LRMDA: variants seen among roughly 807,000 people sequenced by gnomAD.
The protein encoded by LRMDA is leucine-rich melanocyte differentiation-associated protein.
A neutral mutation model predicts 29.8 loss-of-function variants in LRMDA; 18 were observed. The ratio of observed to expected loss-of-function variants is 0.60; its 90% CI spans 0.42 to 0.90. The LOEUF (loss-of-function observed/expected upper bound fraction) is 0.90. Ranked by LOEUF, LRMDA falls within the 40% of genes least tolerant of loss-of-function variation. The probability of loss-of-function intolerance (pLI) is 0.00; values close to 1 mark genes in which losing one functional copy is unlikely to be tolerated. For synonymous variants in LRMDA, 125 were observed against 109.4 expected (o/e 1.14, Z -0.89); for missense variants, 273 against 273.9 (o/e 1.00, Z 0.02).
At chr10:75,834,900 A>G (rs1844407155) in intron 2 of LRMDA, among the ~76,000 whole-genome samples, 1 of 152,150 alleles carries the variant, frequency 6.6e-6, no homozygotes, top group Non-Finnish European at 1.5e-5. Flanking sequence ...CATTCATGCC[A>G]ATGTTTCTAC....
At chr10:75,692,241 T>C (rs1175306781) in intron 2 of LRMDA, among the ~76,000 whole-genome samples, 1 of 135,162 alleles carries the variant, frequency 7.4e-6, no homozygotes, top group Non-Finnish European at 1.5e-5. Flanking sequence ...TATATATATA[T>C]ATATATACAT....
chr10:76,182,582 A>G (rs886138131), intron 5 of LRMDA, among the ~76,000 whole-genome samples: 11 of 152,178 alleles, frequency 7.2e-5, no homozygotes, highest in African/African-American at 2.7e-4. Flanking sequence ...ACCTTGTCCC[A>G]TGGAAAATCC....
intron 5 of LRMDA, among the ~76,000 whole-genome samples, chr10:76,310,507 A>G (rs1317151793): frequency 6.6e-6 from 1 of 152,114 alleles, no homozygotes; most frequent in Non-Finnish European, 1.5e-5. Context: ...CATGCGGTTC[A>G]TGCTTCCTTT....
At chr10:76,212,680 T>C (rs951204989) in intron 5 of LRMDA, among the ~76,000 whole-genome samples, 5 of 152,256 alleles carry the variant, frequency 3.3e-5, no homozygotes, top group East Asian at 1.9e-4. Flanking sequence ...TTGTCATTTG[T>C]TGGTTTCAGA....
intron 2 of LRMDA, among the ~76,000 whole-genome samples, chr10:75,745,990 G>A (rs777017563): frequency 5.7e-4 from 87 of 152,268 alleles, no homozygotes; most frequent in Admixed American, 9.2e-4. Context: ...TACCAGCCTG[G>A]CTTCTCACTA....
At chr10:75,908,051 C>T (rs909968350) in intron 2 of LRMDA, among the ~76,000 whole-genome samples, 4 of 152,178 alleles carry the variant, frequency 2.6e-5, no homozygotes, top group African/African-American at 9.7e-5. Flanking sequence ...AGCTGTGTAA[C>T]AGTCCTGTGC....
chr10:75,641,778 A>G (rs551082084), intron 2 of LRMDA, among the ~76,000 whole-genome samples: 28 of 152,262 alleles, frequency 1.8e-4, no homozygotes, highest in African/African-American at 6.3e-4. Flanking sequence ...ATTTAAATAA[A>G]TCTACCAGAA....
intron 2 of LRMDA, among the ~76,000 whole-genome samples, chr10:75,611,225 G>A (rs1184472879): frequency 3.3e-5 from 5 of 152,174 alleles, no homozygotes; most frequent in African/African-American, 7.2e-5. Context: ...GTGGAGGCAA[G>A]TGCAGCCCTG....
At chr10:75,958,034 A>T (rs753427737) in intron 2 of LRMDA, among the ~76,000 whole-genome samples, 1 of 152,184 alleles carries the variant, frequency 6.6e-6, no homozygotes, top group Non-Finnish European at 1.5e-5. Flanking sequence ...AGGAGATGGT[A>T]TCCAAGTTAC....
intron 2 of LRMDA, among the ~76,000 whole-genome samples, chr10:75,576,432 T>TG (rs1043830711): frequency 6.6e-6 from 1 of 152,130 alleles, no homozygotes; most frequent in South Asian, 2.1e-4. Flanking sequence ...AAGGGGCAGT[T>TG]GGGGGGTGCA....
At chr10:75,588,719 C>G (rs1186701936) in intron 2 of LRMDA, among the ~76,000 whole-genome samples, 3 of 152,110 alleles carry the variant, frequency 2.0e-5, no homozygotes, top group Admixed American at 6.6e-5. Flanking sequence ...CCATTCTGTT[C>G]CCTATCTTCC....
chr10:75,592,421 T>C (rs1379543850), intron 2 of LRMDA, among the ~76,000 whole-genome samples: 1 of 152,230 alleles, frequency 6.6e-6, no homozygotes, highest in Non-Finnish European at 1.5e-5. Flanking sequence ...GTCTTCACAG[T>C]CTCATTTCCT....
intron 5 of LRMDA, among the ~76,000 whole-genome samples, chr10:76,217,822 C>A (rs1442092848): frequency 6.6e-6 from 1 of 152,156 alleles, no homozygotes; most frequent in African/African-American, 2.4e-5. Flanking sequence ...GCATTACCCT[C>A]TTCTCTTACT....
At chr10:75,731,587 G>T (rs1351350898) in intron 2 of LRMDA, among the ~76,000 whole-genome samples, 1 of 152,314 alleles carries the variant, frequency 6.6e-6, no homozygotes, top group African/African-American at 2.4e-5. Flanking sequence ...AAACCTTGAA[G>T]TCATGCCCCA....
intron 5 of LRMDA, among the ~76,000 whole-genome samples, chr10:76,097,783 T>C (rs1038189826): frequency 6.6e-6 from 1 of 152,172 alleles, no homozygotes; most frequent in Admixed American, 6.5e-5. Context: ...GGTAATGACA[T>C]ATTTTTAATA....
intron 5 of LRMDA, among the ~76,000 whole-genome samples, chr10:76,236,019 T>G (rs1022181778): frequency 6.6e-6 from 1 of 152,104 alleles, no homozygotes; most frequent in Non-Finnish European, 1.5e-5. Flanking sequence ...AAAAATGACC[T>G]CCAATAACCA....
intron 2 of LRMDA, among the ~76,000 whole-genome samples, chr10:75,517,589 G>A (rs945236683): frequency 6.6e-6 from 1 of 152,204 alleles, no homozygotes; most frequent in Non-Finnish European, 1.5e-5. Context: ...CTCAGCTTAA[G>A]GAGATTTGGG....
intron 5 of LRMDA, among the ~76,000 whole-genome samples, chr10:76,178,669 G>A (rs567956981): frequency 6.6e-6 from 1 of 152,252 alleles, no homozygotes; most frequent in South Asian, 2.1e-4. Context: ...AGCCTCCTGG[G>A]ATCAGCTTGC....
intron 2 of LRMDA, among the ~76,000 whole-genome samples, chr10:75,831,212 A>AT (rs61183030): frequency 1.2e-4 from 18 of 152,132 alleles, no homozygotes; most frequent in African/African-American, 3.1e-4. Flanking sequence ...CGCCAGGCTA[A>AT]TTTTTTTCAT....
Sources: gnomAD v4.1 joint callset for allele counts (sites outside exome capture counted in the v4.1 genomes callset) on GRCh38, gnomAD v4.1.1 for gene constraint, MANE v1.5 for transcripts, NCBI Gene and HGNC (gene_info 2026-07-23, HGNC 2026-07-21) for gene names.